The following SLC35H1 variants were observed in gnomAD, a reference collection of about 807,000 sequenced individuals.
SLC35H1 encodes the protein ovarian cancer-overexpressed gene 1 protein.
the SLC35H1 span, chr20:46,363,169 C>T: frequency 1.3e-5 from 2 of 152,370 alleles, no homozygotes; most frequent in East Asian, 3.9e-4. Flanking sequence ...TTTTCTTCTG[C>T]TTTTCTGGAC....
At chr20:46,352,154 C>T in the SLC35H1 span, 1 of 1,614,218 alleles carries the variant, frequency 6.2e-7, no homozygotes, top group Non-Finnish European at 8.5e-7. Flanking sequence ...AAGGAAGAGG[C>T]TCCCAAGTAC....
chr20:46,358,360 C>A, the SLC35H1 span: 2 of 1,605,624 alleles, frequency 1.2e-6, no homozygotes, highest in Admixed American at 3.3e-5. Context: ...CATCCCAGCA[C>A]CCCGCCCCAG....
chr20:46,354,781 T>C, the SLC35H1 span: 4 of 1,087,200 alleles, frequency 3.7e-6, no homozygotes, highest in Admixed American at 6.2e-5. Context: ...GACTGCATCT[T>C]TGATCTCAAT....
the SLC35H1 span, chr20:46,351,907 G>T: frequency 1.2e-6 from 1 of 839,798 alleles, no homozygotes; most frequent in Non-Finnish European, 1.8e-6. Flanking sequence ...ACAGCACTCA[G>T]CAAAGTGCCT....
At chr20:46,358,803 G>T in the SLC35H1 span, 1 of 1,283,430 alleles carries the variant, frequency 7.8e-7, no homozygotes, top group Non-Finnish European at 1.1e-6. Flanking sequence ...CTCAGGCAGA[G>T]ACTGTGCTTC....
chr20:46,361,432 G>A, the SLC35H1 span, among the ~76,000 whole-genome samples: 13 of 152,226 alleles, frequency 8.5e-5, no homozygotes, highest in East Asian at 1.5e-3. Context: ...TCTCCTACAC[G>A]GTTCTCTCTA....
chr20:46,350,973 G>T, the SLC35H1 span: 4 of 1,537,326 alleles, frequency 2.6e-6, no homozygotes, highest in Admixed American at 6.9e-5. Context: ...GGGGGCACTA[G>T]GTACACTCAG....
the SLC35H1 span, among the ~76,000 whole-genome samples, chr20:46,360,477 T>C: frequency 6.6e-6 from 1 of 152,238 alleles, no homozygotes; most frequent in African/African-American, 2.4e-5. Context: ...AACTTACATA[T>C]TGAAACATAT....
At chr20:46,352,357 G>A in the SLC35H1 span, 23 of 796,918 alleles carry the variant, frequency 2.9e-5, no homozygotes, top group African/African-American at 3.3e-4. Flanking sequence ...CTGCAGCCCA[G>A]AGAAAAAGCA....
chr20:46,359,031 A>G, the SLC35H1 span: 5 of 470,144 alleles, frequency 1.1e-5, no homozygotes, highest in African/African-American at 2.0e-5. Context: ...CTTTTCTGAT[A>G]AAGACCAGCA....
the SLC35H1 span, among the ~76,000 whole-genome samples, chr20:46,354,644 T>C: frequency 6.6e-6 from 1 of 152,220 alleles, no homozygotes; most frequent in Non-Finnish European, 1.5e-5. Context: ...TTTAAAAAGA[T>C]CAGAACAGCC....
the SLC35H1 span, chr20:46,358,524 C>T: frequency 6.2e-7 from 1 of 1,614,192 alleles, no homozygotes; most frequent in South Asian, 1.1e-5. Flanking sequence ...GGCTGCAGCA[C>T]CGGAGCTCCT....
At chr20:46,355,408 T>A in the SLC35H1 span, 1 of 732,742 alleles carries the variant, frequency 1.4e-6, no homozygotes, top group Non-Finnish European at 2.2e-6. This position sits in a 1 kb window ranked among gnomAD's most constrained non-coding sequence, Gnocchi z 4.8. Flanking sequence ...TGCCCACCAA[T>A]GTCAGCATGT....
At chr20:46,357,488 A>G in the SLC35H1 span, 2 of 1,104,754 alleles carry the variant, frequency 1.8e-6, no homozygotes, top group Non-Finnish European at 2.6e-6. Flanking sequence ...AGGCCAGGTC[A>G]AGAGGGCAGA....
the SLC35H1 span, chr20:46,352,141 G>A: frequency 1.2e-5 from 19 of 1,614,208 alleles, no homozygotes; most frequent in East Asian, 8.9e-5. Flanking sequence ...CGAGAATCCC[G>A]CCAAGGAAGA....
chr20:46,358,640 T>G, the SLC35H1 span: 65 of 1,556,574 alleles, frequency 4.2e-5, no homozygotes, highest in Non-Finnish European at 5.4e-5. Flanking sequence ...AGGAGCTCTC[T>G]GCAGCTCCAT....
chr20:46,358,279 G>T, the SLC35H1 span: 2 of 1,061,248 alleles, frequency 1.9e-6, no homozygotes, highest in Non-Finnish European at 1.4e-6. Flanking sequence ...CTGGCTTCCA[G>T]TTAGACTGGT....
At chr20:46,352,131 C>T in the SLC35H1 span, 9 of 1,614,178 alleles carry the variant, frequency 5.6e-6, no homozygotes, top group African/African-American at 2.7e-5. Context: ...AAACCAAAGG[C>T]GAGAATCCCG....
the SLC35H1 span, chr20:46,356,581 C>A: frequency 6.2e-7 from 1 of 1,614,118 alleles, no homozygotes; most frequent in Non-Finnish European, 8.5e-7. Context: ...CACAGCGAGA[C>A]GGTGACATAC....
Sources: allele counts gnomAD v4.1 joint callset (sites outside exome capture counted in the v4.1 genomes callset), GRCh38; gene constraint gnomAD v4.1.1; non-coding constraint Gnocchi (gnomAD v3.1); transcripts MANE v1.5; gene names NCBI Gene and HGNC (gene_info 2026-07-23, HGNC 2026-07-21).